ARHGAP5: variants seen among roughly 807,000 people sequenced by gnomAD.
ARHGAP5 encodes the protein rho GTPase-activating protein 5.
In ARHGAP5, 23 loss-of-function variants were observed where a neutral mutation model predicts 116.6. The observed-to-expected ratio is 0.20, with a 90% CI of 0.14 to 0.28. ARHGAP5 has a LOEUF of 0.28. ARHGAP5 is among the 10% of genes least tolerant of loss of function. The pLI, the probability that ARHGAP5 is intolerant of heterozygous loss-of-function variation, is 1.00. For missense variants in ARHGAP5, 1,405 were observed against 1,774.8 expected (o/e 0.79, Z 3.74); for synonymous variants, 574 against 602.0 (o/e 0.95, Z 0.68).
At chr14:32,139,003 C>G (rs1007491933) in intron 3 of ARHGAP5, among the ~76,000 whole-genome samples, 2 of 151,156 alleles carry the variant, frequency 1.3e-5, no homozygotes. Flanking sequence ...TTAATGTGGC[C>G]CATCAGACTA....
intron 2 of ARHGAP5, among the ~76,000 whole-genome samples, chr14:32,106,827 TAGTA>T (rs1208038878): frequency 6.6e-6 from 1 of 152,180 alleles, no homozygotes; most frequent in African/African-American, 2.4e-5. Context: ...GCCTAATAGA[TAGTA>T]AGCAGTAAAT....
chr14:32,092,671 T>C lies in ARHGAP5; in HGVS notation c.2002T>C (p.Leu668=), dbSNP rs1878323561. The C allele has an allele frequency of 6.2e-7, 1 of 1,614,012 alleles. No homozygotes were observed. The change falls in exon 2 of 7, where the codon TTG becomes CTG. Residue 668 remains leucine, a synonymous_variant. Transcript: ENST00000345122. This position sits in a 1 kb window ranked among gnomAD's most constrained non-coding sequence, Gnocchi z 4.1. Reference sequence around the variant, plus strand: ...CTGTGTATTTAATTCCATTGAGTCATTGAGTTTTATTGGGGAATTTATTGG... The same window carrying C: ...CTGTGTATTTAATTCCATTGAGTCACTGAGTTTTATTGGGGAATTTATTGG... ...CFCVFNSIES[L]SFIGEFIGKI... is the part of the protein sequence containing the mutation.
At position 32,154,622 on chromosome 14, in the gene ARHGAP5, G is replaced by T. The variant is rs777879816; in HGVS notation, c.4183G>T (p.Val1395Phe). Reference sequence around the variant, plus strand: ...TGTTTTTTCCTTTCATAATTTCAGGGTTAGTCAGCAACATAAAATCAACCT... The same window carrying T: ...TGTTTTTTCCTTTCATAATTTCAGGTTTAGTCAGCAACATAAAATCAACCT... ...FRYVITHLNRVSQQHKINLMT... is the reference protein window; with the variant it reads ...FRYVITHLNRFSQQHKINLMT... The change falls in exon 7 of 7, where the codon GTT (valine) becomes TTT (phenylalanine). Residue 1395 changes from valine (V) to phenylalanine (F), a missense_variant and splice_region_variant. Around this residue, in one of 6 missense-constraint regions of ARHGAP5, gnomAD observed 176 missense variants for 221.2 expected, o/e 0.80. Coordinates refer to ENST00000345122, the MANE Select transcript of ARHGAP5 (RefSeq NM_001030055.2). 2 of 1,599,634 alleles carry T rather than the reference G, an allele frequency of 1.3e-6. No individual in the cohort carries two copies. Among genetic ancestry groups the T allele is most frequent in the Non-Finnish European group, 8.5e-7 (1 of 1,170,658 alleles).
At chr14:32,105,486 T>A (rs1439403909) in intron 2 of ARHGAP5, among the ~76,000 whole-genome samples, 6 of 151,768 alleles carry the variant, frequency 4.0e-5, no homozygotes, top group African/African-American at 1.5e-4. Context: ...TGTTTTTTTT[T>A]TTAAAAAAAA....
intron 3 of ARHGAP5, among the ~76,000 whole-genome samples, chr14:32,144,950 A>T (rs1881308112): frequency 6.6e-6 from 1 of 152,172 alleles, no homozygotes; most frequent in African/African-American, 2.4e-5. Flanking sequence ...GTTAAATGTC[A>T]TTTATCATTC....
intron 2 of ARHGAP5, among the ~76,000 whole-genome samples, chr14:32,112,969 A>G (rs1879385591): frequency 6.6e-6 from 1 of 152,208 alleles, no homozygotes. Flanking sequence ...TTTATCAAAA[A>G]CTAGATATAA....
At chr14:32,081,888 A>C (rs528829150) in intron 1 of ARHGAP5, among the ~76,000 whole-genome samples, 6 of 152,214 alleles carry the variant, frequency 3.9e-5, no homozygotes, top group Non-Finnish European at 7.3e-5. Flanking sequence ...TAACATTACT[A>C]TAATCTAGAG....
chr14:32,140,455 C>T (rs927613048), intron 3 of ARHGAP5, among the ~76,000 whole-genome samples: 6 of 151,544 alleles, frequency 4.0e-5, no homozygotes, highest in South Asian at 2.1e-4. Context: ...GGTGTGTTGG[C>T]GGGCGCATGC....
Position 32,138,469 on chromosome 14 carries a change from C to T in ARHGAP5, c.3866-7794C>T, listed in dbSNP as rs151227962. Among the ~76,000 whole-genome samples the T allele has an allele frequency of 2.8e-3, 419 of 151,962 alleles. 2 individuals carry two copies. The highest frequency in any genetic ancestry group is 9.8e-3 in the African/African-American group (407 of 41,456). On this transcript the variant is annotated intron_variant, in intron 3 of 6. Coordinates refer to ENST00000345122, the MANE Select transcript of ARHGAP5 (RefSeq NM_001030055.2). Reference sequence around the variant, plus strand: ...TGGCTAGTTTTTATATTTTTAGTAGCGATGGGGTTTCACCATGTTGCCCAG... The same window carrying T: ...TGGCTAGTTTTTATATTTTTAGTAGTGATGGGGTTTCACCATGTTGCCCAG...
intron 3 of ARHGAP5, among the ~76,000 whole-genome samples, chr14:32,136,002 T>C (rs1238868427): frequency 6.6e-6 from 1 of 152,228 alleles, no homozygotes; most frequent in East Asian, 1.9e-4. Flanking sequence ...CCTTTTGTAG[T>C]TTTTATACTT....
intron 2 of ARHGAP5, among the ~76,000 whole-genome samples, chr14:32,096,133 A>G (rs1878514148): frequency 6.6e-6 from 1 of 150,910 alleles, no homozygotes; most frequent in Admixed American, 6.6e-5. Flanking sequence ...TTTCGTGTCT[A>G]TTGGTTTGTT....
intron 3 of ARHGAP5, among the ~76,000 whole-genome samples, chr14:32,137,438 T>TG (rs1270577071): frequency 2.2e-4 from 33 of 152,018 alleles, no homozygotes; most frequent in Admixed American, 7.9e-4. Context: ...ATATTATACT[T>TG]TTGCTAGTAC....
intron 3 of ARHGAP5, among the ~76,000 whole-genome samples, chr14:32,131,858 G>A (rs1002514981): frequency 6.6e-6 from 1 of 152,134 alleles, no homozygotes; most frequent in African/African-American, 2.4e-5. Flanking sequence ...CCTTGCGATA[G>A]TTTGCTGAGA....
intron 3 of ARHGAP5, among the ~76,000 whole-genome samples, chr14:32,120,598 T>C (rs547953155): frequency 8.6e-5 from 13 of 150,894 alleles, no homozygotes; most frequent in African/African-American, 3.2e-4. Context: ...CAAAATACTT[T>C]GTAATTTCCT....
chr14:32,099,625 G>A (rs140581405), intron 2 of ARHGAP5, among the ~76,000 whole-genome samples: 32 of 152,240 alleles, frequency 2.1e-4, no homozygotes, highest in East Asian at 1.4e-3. Context: ...GTATTATAAC[G>A]TACATCAGGC....
chr14:32,153,349 A>G (rs1374202002), intron 6 of ARHGAP5, among the ~76,000 whole-genome samples: 7 of 119,274 alleles, frequency 5.9e-5, no homozygotes, highest in South Asian at 3.2e-4. Flanking sequence ...GGAGGTTGCA[A>G]TGAGCTGAGA....
intron 5 of ARHGAP5, among the ~76,000 whole-genome samples, chr14:32,150,509 C>T (rs1431082481): frequency 6.6e-6 from 1 of 152,068 alleles, no homozygotes; most frequent in African/African-American, 2.4e-5. Context: ...AGGTGAGGGC[C>T]TTTTTGCAAA....
rs1882017728 is a variant in ARHGAP5, at chr14:32,159,270, T to G, written c.*4322T>G. 6.6e-6 allele frequency: 1 copy of G among 152,162 alleles called. No homozygotes were observed. Among genetic ancestry groups the G allele is most frequent in the Non-Finnish European group, 1.5e-5 (1 of 67,992 alleles). 9.4% of individuals were successfully genotyped at this position (152,162 alleles called of 1,614,324 possible). On this transcript the variant is annotated 3_prime_UTR_variant, in exon 7 of 7. Transcript: ENST00000345122. ...ACTTTTTGAGTAGCTGTCAAATAATTGTAGTTGAGAAACAACTTGTTTATT... is the reference window on the plus strand; with the variant it reads ...ACTTTTTGAGTAGCTGTCAAATAATGGTAGTTGAGAAACAACTTGTTTATT...
chr14:32,142,475 A>G (rs183131038), intron 3 of ARHGAP5, among the ~76,000 whole-genome samples: 56 of 152,202 alleles, frequency 3.7e-4, no homozygotes, highest in African/African-American at 1.3e-3. Context: ...ATTCTTTGCC[A>G]TTTGCTGCCA....
Sources: allele counts gnomAD v4.1 joint callset (sites outside exome capture counted in the v4.1 genomes callset), GRCh38; gene constraint gnomAD v4.1.1; regional missense constraint gnomAD v4.1.1; non-coding constraint Gnocchi (gnomAD v3.1); transcripts MANE v1.5; gene names NCBI Gene and HGNC (gene_info 2026-07-23, HGNC 2026-07-21).